PLCL1: variants seen among roughly 807,000 people sequenced by gnomAD.
PLCL1 encodes phospholipase C like 1 (inactive).
PLCL1 carries 41 observed loss-of-function variants against 84.4 expected under a neutral mutation model. That is an observed-to-expected ratio of 0.49 (90% CI 0.38 to 0.63). The LOEUF is 0.63. Ranked by LOEUF, PLCL1 falls within the 30% of genes least tolerant of loss-of-function variation. The pLI is 0.00. For synonymous variants in PLCL1, 490 were observed against 488.3 expected, an observed-to-expected ratio of 1.00 and a Z score of -0.05; for missense variants, 1,206 against 1,367.8, an observed-to-expected ratio of 0.88 and a Z score of 1.87.
intron 1 of PLCL1, among the ~76,000 whole-genome samples, chr2:197,859,271 G>A (rs1050701292): frequency 1.3e-5 from 2 of 151,998 alleles, no homozygotes; most frequent in Non-Finnish European, 2.9e-5. Flanking sequence ...AAATAAACAC[G>A]AATTGAAGAG....
intron 1 of PLCL1, among the ~76,000 whole-genome samples, chr2:198,053,648 T>C (rs1288986872): frequency 1.3e-5 from 2 of 152,232 alleles, no homozygotes; most frequent in African/African-American, 4.8e-5. Flanking sequence ...GGACCCTTAT[T>C]GATCCAGTCC....
At chr2:198,088,822 G>T (rs1460127336) in intron 2 of PLCL1, 36 bp from the exon 3 acceptor site, 8 of 1,244,616 alleles carry the variant, frequency 6.4e-6, no homozygotes, top group Non-Finnish European at 3.6e-6. Flanking sequence ...TGTGTCAGGT[G>T]GTCAGAAGTG....
chr2:198,032,297 AACATT>A (rs1361993460), intron 1 of PLCL1, among the ~76,000 whole-genome samples: 1 of 152,200 alleles, frequency 6.6e-6, no homozygotes, highest in Non-Finnish European at 1.5e-5. Flanking sequence ...CACTGACATT[AACATT>A]TCTAAAGCAG....
chr2:198,090,820 G>A (rs372670548), intron 3 of PLCL1, among the ~76,000 whole-genome samples: 59 of 152,142 alleles, frequency 3.9e-4, no homozygotes, highest in African/African-American at 1.2e-3. Flanking sequence ...ATCATTCATG[G>A]CCAGGGAGGT....
chr2:197,867,584 A>C (rs1165125009), intron 1 of PLCL1, among the ~76,000 whole-genome samples: 1 of 152,160 alleles, frequency 6.6e-6, no homozygotes, highest in South Asian at 2.1e-4. Context: ...AGTTCTGTGC[A>C]TGATCTTGTG....
chr2:198,026,861 G>T (rs1257588946), intron 1 of PLCL1, among the ~76,000 whole-genome samples: 1 of 152,094 alleles, frequency 6.6e-6, no homozygotes, highest in African/African-American at 2.4e-5. Context: ...AAATACCAAA[G>T]ATTACAAATA....
chr2:197,851,180 C>T (rs1211447513), intron 1 of PLCL1, among the ~76,000 whole-genome samples: 1 of 152,194 alleles, frequency 6.6e-6, no homozygotes, highest in African/African-American at 2.4e-5. Context: ...AATTCACATA[C>T]CTCCAGGAAA....
intron 5 of PLCL1, among the ~76,000 whole-genome samples, chr2:198,108,494 T>C (rs1268205939): frequency 1.3e-5 from 2 of 151,774 alleles, no homozygotes; most frequent in African/African-American, 2.4e-5. Context: ...ATTGACAGCA[T>C]GGAGTGGTGC....
chr2:198,105,601 G>GGTGTGTGTGTGTGTGTGT (rs72103336), intron 5 of PLCL1, among the ~76,000 whole-genome samples: 4 of 143,828 alleles, frequency 2.8e-5, no homozygotes, highest in South Asian at 2.3e-4. Flanking sequence ...TAATTTGCCT[G>GGTGTGTGTGTGTGTGTGT]GTGTGTGTGT....
At chr2:198,106,584 G>A (rs1268835507) in intron 5 of PLCL1, among the ~76,000 whole-genome samples, 1 of 151,848 alleles carries the variant, frequency 6.6e-6, no homozygotes, top group Admixed American at 6.6e-5. Flanking sequence ...GATTTTATAT[G>A]GGCTTGTTAA....
intron 1 of PLCL1, among the ~76,000 whole-genome samples, chr2:198,023,197 T>G (rs556746001): frequency 6.6e-6 from 1 of 152,220 alleles, no homozygotes; most frequent in African/African-American, 2.4e-5. Context: ...GCTAGCCATA[T>G]GCAGAAAACT....
At chr2:198,132,883 T>A (rs1694155161) in intron 5 of PLCL1, among the ~76,000 whole-genome samples, 1 of 151,932 alleles carries the variant, frequency 6.6e-6, no homozygotes. Context: ...TTTTGGTGTT[T>A]TGGACATGAA....
In PLCL1 at chr2:197,959,741, A is replaced by G. The variant is rs549183135; in HGVS notation, c.241-124017A>G. 7.9e-5 allele frequency among the ~76,000 whole-genome samples: 12 copies of G among 151,542 alleles called. No homozygotes were observed. The South Asian group carries it at 1.7e-3, about 21-fold the overall frequency. ...AAATCTGTATTTCTAGTTTCTTGGG[A>G]AAAAAAACAACAACAAACAAGTGAT... On this transcript the variant is annotated intron_variant, in intron 1 of 5. Coordinates refer to ENST00000428675, the MANE Select transcript of PLCL1 (RefSeq NM_006226.4).
chr2:197,823,058 A>G (rs1345130613), intron 1 of PLCL1, among the ~76,000 whole-genome samples: 1 of 152,090 alleles, frequency 6.6e-6, no homozygotes, highest in African/African-American at 2.4e-5. Context: ...AAATCAGTTA[A>G]AAATGATTTT....
intron 1 of PLCL1, among the ~76,000 whole-genome samples, chr2:197,881,148 A>G (rs555507060): frequency 2.6e-5 from 4 of 152,262 alleles, no homozygotes; most frequent in African/African-American, 9.6e-5. Flanking sequence ...CTTGGCATGT[A>G]GTATATGCTC....
At chr2:197,965,602 TCTTG>T (rs1378875415) in intron 1 of PLCL1, among the ~76,000 whole-genome samples, 2 of 152,212 alleles carry the variant, frequency 1.3e-5, no homozygotes, top group Non-Finnish European at 2.9e-5. Flanking sequence ...TTTGGGTTGC[TCTTG>T]CTTTTCTAAT....
intron 1 of PLCL1, among the ~76,000 whole-genome samples, chr2:197,984,443 A>G (rs1334851192): frequency 1.3e-5 from 2 of 152,228 alleles, no homozygotes; most frequent in African/African-American, 4.8e-5. Context: ...TTGAAGGTAC[A>G]TTGAAAACAT....
chr2:197,806,798 T>C (rs1443083075), intron 1 of PLCL1, among the ~76,000 whole-genome samples: 2 of 152,242 alleles, frequency 1.3e-5, no homozygotes, highest in Non-Finnish European at 2.9e-5. Context: ...AAACAGGCAC[T>C]GCAAGAGACT....
chr2:198,121,297 G>C (rs1693861093), intron 5 of PLCL1, among the ~76,000 whole-genome samples: 1 of 151,948 alleles, frequency 6.6e-6, no homozygotes, highest in Admixed American at 6.6e-5. Flanking sequence ...TGCCTTTGCT[G>C]TGCAGAAACT....
Sources: gnomAD v4.1 joint callset for allele counts (sites outside exome capture counted in the v4.1 genomes callset) on GRCh38, gnomAD v4.1.1 for gene constraint, MANE v1.5 for transcripts, NCBI Gene and HGNC (gene_info 2026-07-23, HGNC 2026-07-21) for gene names.